Variants in TYK2 observed in about 807,000 individuals in gnomAD.
TYK2 encodes non-receptor tyrosine-protein kinase TYK2.
TYK2 carries 65 observed loss-of-function variants against 130.9 expected under a neutral mutation model. The ratio of observed to expected loss-of-function variants is 0.50; its 90% CI spans 0.41 to 0.61. The LOEUF is 0.61. TYK2 is among the 20% of genes least tolerant of loss of function. The pLI is 0.00. For synonymous variants in TYK2, 647 were observed against 658.9 expected (o/e 0.98, Z 0.28); for missense variants, 1,378 against 1,610.7 (o/e 0.86, Z 2.47).
rs1393057323 is a variant in TYK2 at position 10,357,867 on chromosome 19, G to T, written c.2363C>A (p.Ala788Asp). The stretch of plus-strand genomic sequence containing the variant: ...GTCCATGGCGGTGCTTAGGCTGTTG[G>T]CCCCACCTGGTAGGCATTCGGGGGC... ...WLAPECLPGG[A>D]NSLSTAMDKW... Residue 788 changes from alanine to aspartate, a missense_variant, in exon 17 of 25, where the codon GCC becomes GAC. Physicochemically the swap from Ala to Asp is moderately radical, Grantham distance 126. Coordinates refer to ENST00000525621, the MANE Select transcript of TYK2 (RefSeq NM_003331.5). 1.9e-6 allele frequency: 3 copies of T among 1,613,436 alleles called. No individual in the cohort carries two copies. Among genetic ancestry groups the T allele is most frequent in the Non-Finnish European group, 2.5e-6 (3 of 1,180,040 alleles).
intron 3 of TYK2, among the ~76,000 whole-genome samples, chr19:10,370,530 G>A (rs968242281): frequency 1.4e-5 from 2 of 143,528 alleles, no homozygotes; most frequent in African/African-American, 5.3e-5. Flanking sequence ...AAAAAAAATG[G>A]TATCTGGCTG....
chr19:10,352,907 C>T lies in TYK2; in HGVS notation c.3200+19G>A, dbSNP rs766435287. 3 of 1,597,694 alleles carry T rather than the reference C, an allele frequency of 1.9e-6. No homozygotes were observed. The African/African-American group carries it at 4.0e-5, about 21-fold the overall frequency. ...CAAGTGACCCCAGCACCCCCTCAGA[C>T]TGCACCCCGCCTGGTCACCAGAACA... On this transcript the variant is annotated intron_variant, in intron 22 of 24. Transcript: ENST00000525621.
chr19:10,358,033 C>A lies in TYK2; in HGVS notation c.2281G>T (p.Gly761Cys), dbSNP rs745738702. The A allele has an allele frequency of 6.2e-7, 1 of 1,613,526 alleles. No homozygotes were observed. Among genetic ancestry groups the A allele is most frequent in the Admixed American group, 1.7e-5 (1 of 60,018 alleles). ...CTGGAGAGGGCGCCCAGGCCCACGC[C>A]AGGATCACTCAGCTTGATGAAGGGG... ...TSPFIKLSDP[G>C]VGLGALSREE... is the part of the protein sequence containing the mutation. The change falls in exon 16 of 25, where the codon GGC becomes TGC. Residue 761 changes from glycine (G) to cysteine (C), a missense_variant. By Grantham distance (159) the Gly-to-Cys change is radical (BLOSUM62 -3). Coordinates refer to ENST00000525621, the MANE Select transcript of TYK2 (RefSeq NM_003331.5).
intron 2 of TYK2, 94 bp downstream of exon 2, chr19:10,379,505 CAATAAATAAATAAATA>C (rs35074507): frequency 8.2e-5 from 12 of 146,850 alleles, no homozygotes; most frequent in East Asian, 2.0e-4. Flanking sequence ...TACTAAAATA[CAATAAATAAATAAATA>C]AATAAATAAA....
chr19:10,378,873 T>TTATCTTATCTTATC (rs1267172730), intron 2 of TYK2, among the ~76,000 whole-genome samples: 1 of 146,580 alleles, frequency 6.8e-6, no homozygotes, highest in African/African-American at 2.5e-5. Flanking sequence ...TTATCTTATC[T>TTATCTTATCTTATC]TATCTTATTT....
chr19:10,351,212 C>T (rs1276360710), intron 23 of TYK2, 50 bp from the exon 24 acceptor site: 1 of 1,471,988 alleles, frequency 6.8e-7, no homozygotes, highest in East Asian at 2.3e-5. Flanking sequence ...GAAAGGCAGG[C>T]ACGGTGGCTC....
chr19:10,368,290 C>A lies in TYK2; in HGVS notation c.317+5G>T. 1 of 1,614,164 alleles carries A rather than the reference C, an allele frequency of 6.2e-7. No individual in the cohort carries two copies. Among genetic ancestry groups the A allele is most frequent in the African/African-American group, 1.3e-5 (1 of 75,046 alleles). On this transcript the variant is annotated splice_donor_5th_base_variant and intron_variant, in intron 4 of 24. Coordinates refer to ENST00000525621, the MANE Select transcript of TYK2 (RefSeq NM_003331.5). ...GGGACGAGCTTTGCAAAGGTCTCCA[C>A]CCACCTTATGCGGAAATATAGCATC... is the stretch of plus-strand genomic sequence containing the variant.
At chr19:10,362,240 C>T (rs762025333) in intron 11 of TYK2, 24 bp downstream of exon 11, 1 of 1,613,542 alleles carries the variant, frequency 6.2e-7, no homozygotes. Flanking sequence ...CACATCCCAC[C>T]CAGAGGTCCC....
At position 10,351,035 on chromosome 19, in the gene TYK2, G is replaced by C; in HGVS notation, c.3429+17C>G. 6.2e-7 allele frequency: 1 copy of C among 1,614,178 alleles called. No homozygotes were observed. The highest frequency in any genetic ancestry group is 2.2e-5 in the East Asian group (1 of 44,878). ...CAGCAGGATAGTGGGGTCAGGGAAA[G>C]ACAAAGGAAGTCTCACCTCACAGGG... On this transcript the variant is annotated intron_variant, in intron 24 of 24. Coordinates refer to ENST00000525621, the MANE Select transcript of TYK2 (RefSeq NM_003331.5).
chr19:10,362,524 C>A (rs776226275), intron 10 of TYK2, 25 bp downstream of exon 10: 1 of 1,555,070 alleles, frequency 6.4e-7, no homozygotes, highest in Non-Finnish European at 8.7e-7. Flanking sequence ...CCAGCCCCAG[C>A]CCCAGCCCCC....
At chr19:10,357,172 T>G in intron 17 of TYK2, 1 of 391,282 alleles carries the variant, frequency 2.6e-6, no homozygotes, top group East Asian at 5.7e-5. Flanking sequence ...GCGGATCACC[T>G]GAGGTCAGGA....
intron 3 of TYK2, among the ~76,000 whole-genome samples, chr19:10,370,527 A>G (rs1011159969): frequency 7.3e-6 from 1 of 136,894 alleles, no homozygotes; most frequent in African/African-American, 2.9e-5. Context: ...AAAAAAAAAA[A>G]TGGTATCTGG....
Position 10,352,578 on chromosome 19 carries a change from C to CG in TYK2, c.3201-28dup, listed in dbSNP as rs750410594. The CG allele has an allele frequency of 1.3e-5, 14 of 1,114,652 alleles. No individual in the cohort carries two copies. The East Asian group carries it at 1.5e-4, about 12-fold the overall frequency. 69.0% of individuals were successfully genotyped at this position (1,114,652 alleles called of 1,614,324 possible). On this transcript the variant is annotated intron_variant, in intron 22 of 24. Transcript: ENST00000525621. ...TAGGGGGAGGGGGGCACTCAGGCCA[C>CG]GGGGGGCTGCACTGAGGGCTTGGGG... is the stretch of plus-strand genomic sequence containing the variant.
At position 10,364,595 on chromosome 19, in the gene TYK2, C is replaced by T. The variant is rs1190295053; in HGVS notation, c.1367+19G>A. 1 of 1,613,250 alleles carries T rather than the reference C, an allele frequency of 6.2e-7. No individual in the cohort carries two copies. The highest frequency in any genetic ancestry group is 8.5e-7 in the Non-Finnish European group (1 of 1,179,862). ...GCACCCTTGGCGGTGGCCCCCAGCG[C>T]CCCCCACCCAGCACTCACAGCAGGG... On this transcript the variant is annotated intron_variant, in intron 9 of 24. Coordinates refer to ENST00000525621, the MANE Select transcript of TYK2 (RefSeq NM_003331.5). This position sits in a 1 kb window ranked among gnomAD's most constrained non-coding sequence, Gnocchi z 4.9.
At chr19:10,372,091 C>T (rs1339578118) in intron 3 of TYK2, among the ~76,000 whole-genome samples, 2 of 151,780 alleles carry the variant, frequency 1.3e-5, no homozygotes, top group Admixed American at 6.6e-5. Context: ...CCTGGGTTCA[C>T]GCCATTCTCC....
Position 10,365,840 on chromosome 19 carries a change from T to G in TYK2, c.688A>C (p.Thr230Pro), listed in dbSNP as rs1599352162. Residue 230 changes from threonine (T) to proline (P), a missense_variant, in exon 7 of 25, where the codon ACC (threonine) becomes CCC (proline). By Grantham distance (38) the Thr-to-Pro change is conservative. Coordinates refer to ENST00000525621, the MANE Select transcript of TYK2 (RefSeq NM_003331.5). ...AAGACGTTCCGAAGGCGCAGCCGGG[T>G]CAGGGCGCTGTGCTGCCGGATATGC... The part of the protein sequence containing the change: ...RRHIRQHSAL[T>P]RLRLRNVFRR... 1 of 1,612,336 alleles carries G rather than the reference T, an allele frequency of 6.2e-7. No homozygotes were observed. The highest frequency in any genetic ancestry group is 8.5e-7 in the Non-Finnish European group (1 of 1,179,818).
At chr19:10,354,719 TAAG>T in intron 18 of TYK2, 110 bp from the exon 19 acceptor site, 1 of 883,664 alleles carries the variant, frequency 1.1e-6, no homozygotes, top group South Asian at 1.4e-5. Context: ...ATTCTAGAGG[TAAG>T]AAAACTTTTT....
At position 10,353,520 on chromosome 19, in the gene TYK2, C is replaced by G. The variant is rs1379899211; in HGVS notation, c.3027+8G>C. 4 of 1,494,094 alleles carry G rather than the reference C, an allele frequency of 2.7e-6. No homozygotes were observed. The Admixed American group carries it at 8.9e-5, about 33-fold the overall frequency. 92.6% of individuals were successfully genotyped at this position (1,494,094 alleles called of 1,614,324 possible). The stretch of plus-strand genomic sequence containing the variant: ...CAAGCTCCAGAAGCAGGGGCGGGGC[C>G]GACCAACCTCGCAGATCTGCTGGGC... On this transcript the variant is annotated splice_region_variant and intron_variant, in intron 21 of 24. Transcript: ENST00000525621. The surrounding 1 kb of genome is among the most constrained non-coding windows in gnomAD (Gnocchi z 6.9).
In TYK2 at chr19:10,354,515, G is replaced by A. The variant is rs746948245; in HGVS notation, c.2712C>T (p.Gly904=). The change falls in exon 19 of 25, where the codon GGC becomes GGT. Residue 904 remains glycine (G), a synonymous_variant. Coordinates refer to ENST00000525621, the MANE Select transcript of TYK2 (RefSeq NM_003331.5). The part of the protein sequence containing the change: ...KRYLKKIRDL[G]EGHFGKVSLY... ...GCAGCTCAGGCCCGTCCCTCACCTCGCCCAGATCTCGGATCTTTTTCAAAT... is the reference window on the plus strand; with the variant it reads ...GCAGCTCAGGCCCGTCCCTCACCTCACCCAGATCTCGGATCTTTTTCAAAT... 1 of 1,613,762 alleles carries A rather than the reference G, an allele frequency of 6.2e-7. No homozygotes were observed. Among genetic ancestry groups the A allele is most frequent in the African/African-American group, 1.3e-5 (1 of 74,886 alleles).
Sources: allele counts gnomAD v4.1 joint callset (sites outside exome capture counted in the v4.1 genomes callset), GRCh38; gene constraint gnomAD v4.1.1; non-coding constraint Gnocchi (gnomAD v3.1); transcripts MANE v1.5; gene names NCBI Gene and HGNC (gene_info 2026-07-23, HGNC 2026-07-21).